Variants in ZFPM2 observed in about 807,000 individuals in gnomAD.
ZFPM2 encodes the protein zinc finger protein ZFPM2.
Under a neutral mutation model 98.6 loss-of-function variants are expected in ZFPM2, and 20 were observed. The observed-to-expected ratio is 0.20, with a 90% CI of 0.14 to 0.29. The LOEUF is 0.29. ZFPM2 is among the 10% of genes least tolerant of loss of function. The probability of loss-of-function intolerance (pLI) is 1.00; values close to 1 mark genes in which losing one functional copy is unlikely to be tolerated. For synonymous variants in ZFPM2, 518 were observed against 502.7 expected (o/e 1.03, Z -0.41); for missense variants, 1,310 against 1,388.6 (o/e 0.94, Z 0.90).
At chr8:105,451,880 T>C (rs1812491619) in intron 3 of ZFPM2, 1 of 152,210 alleles carries the variant, frequency 6.6e-6, no homozygotes, top group Non-Finnish European at 1.5e-5. Context: ...ATTTTTAATT[T>C]ATTTTAAATA....
At chr8:105,407,082 G>T (rs1811475549) in intron 1 of ZFPM2, among the ~76,000 whole-genome samples, 1 of 151,172 alleles carries the variant, frequency 6.6e-6, no homozygotes, top group Non-Finnish European at 1.5e-5. Flanking sequence ...GGGGGTTGTG[G>T]GGTGGGAATC....
chr8:105,621,027 C>A (rs1198085958), intron 4 of ZFPM2, among the ~76,000 whole-genome samples: 2 of 152,092 alleles, frequency 1.3e-5, no homozygotes, highest in African/African-American at 4.8e-5. Context: ...TTTTTGGTTC[C>A]ATATGAAATT....
intron 5 of ZFPM2, among the ~76,000 whole-genome samples, chr8:105,646,812 CATT>C (rs1390520357): frequency 2.0e-5 from 3 of 152,012 alleles, no homozygotes; most frequent in East Asian, 1.9e-4. Flanking sequence ...AGTCCTGTCT[CATT>C]GTTGAGATTG....
At chr8:105,497,199 A>G (rs759589205) in intron 3 of ZFPM2, among the ~76,000 whole-genome samples, 2 of 151,530 alleles carry the variant, frequency 1.3e-5, no homozygotes, top group Non-Finnish European at 2.9e-5. Context: ...GTTAGCCAGG[A>G]TGGTCTCCAT....
At position 105,803,376 on chromosome 8, in the gene ZFPM2, G is replaced by C. The variant is rs149688628; in HGVS notation, c.3294G>C (p.Glu1098Asp). The change falls in exon 8 of 8, where the codon GAG becomes GAC. Residue 1098 changes from glutamate to aspartate, a missense_variant. By Grantham distance (45) the Glu-to-Asp change is conservative. Coordinates refer to ENST00000407775, the MANE Select transcript of ZFPM2 (RefSeq NM_012082.4). ...TCTCACCAGGAATTCCCTCAGCAGAGGAACAGTTGTCTAGTATAGCAAAAG... is the reference window on the plus strand; with the variant it reads ...TCTCACCAGGAATTCCCTCAGCAGACGAACAGTTGTCTAGTATAGCAAAAG... Reference protein sequence around the residue: ...ENVSPGIPSAEEQLSSIAKGV... With the variant: ...ENVSPGIPSADEQLSSIAKGV... The C allele has an allele frequency of 4.3e-6, 7 of 1,613,360 alleles. No individual in the cohort carries two copies. The African/African-American group carries it at 5.3e-5, about 12-fold the overall frequency.
chr8:105,352,125 T>C (rs982207502), intron 1 of ZFPM2, among the ~76,000 whole-genome samples: 8 of 152,334 alleles, frequency 5.3e-5, no homozygotes, highest in African/African-American at 1.9e-4. Context: ...AATGGATGCA[T>C]CACTTCCTAA....
chr8:105,763,495 G>A (rs1261210439), intron 5 of ZFPM2, among the ~76,000 whole-genome samples: 1 of 151,808 alleles, frequency 6.6e-6, no homozygotes, highest in African/African-American at 2.4e-5. Context: ...AAGAGTTCTT[G>A]CCATTCCAAG....
intron 5 of ZFPM2, among the ~76,000 whole-genome samples, chr8:105,636,027 A>G (rs1267556888): frequency 6.6e-6 from 1 of 152,154 alleles, no homozygotes; most frequent in Non-Finnish European, 1.5e-5. Context: ...AATTATACAT[A>G]ACCTAATGGT....
chr8:105,334,496 C>A (rs1812291100), intron 1 of ZFPM2, among the ~76,000 whole-genome samples: 2 of 151,554 alleles, frequency 1.3e-5, no homozygotes, highest in Admixed American at 1.3e-4. Flanking sequence ...AAATATATTA[C>A]CTTTTAAAGT....
intron 5 of ZFPM2, among the ~76,000 whole-genome samples, chr8:105,655,663 A>G (rs922423213): frequency 4.9e-4 from 75 of 152,238 alleles, no homozygotes; most frequent in African/African-American, 1.8e-3. Context: ...CATAAAATTC[A>G]CACAACCCTC....
chr8:105,505,403 T>C (rs1038723831), intron 3 of ZFPM2, among the ~76,000 whole-genome samples: 1 of 152,156 alleles, frequency 6.6e-6, no homozygotes, highest in Non-Finnish European at 1.5e-5. Context: ...ACACAGCACA[T>C]AGGGGAATGC....
intron 1 of ZFPM2, among the ~76,000 whole-genome samples, chr8:105,365,190 T>C (rs1397345970): frequency 6.6e-6 from 1 of 152,186 alleles, no homozygotes; most frequent in African/African-American, 2.4e-5. Flanking sequence ...GAAGCTAATA[T>C]ATGGTAATTT....
At chr8:105,474,168 C>T (rs1240762984) in intron 3 of ZFPM2, among the ~76,000 whole-genome samples, 1 of 152,184 alleles carries the variant, frequency 6.6e-6, no homozygotes, top group Non-Finnish European at 1.5e-5. Context: ...TTTTAGTTTT[C>T]TGTTTCAGTC....
chr8:105,560,969 T>C (rs1235555003), intron 3 of ZFPM2, among the ~76,000 whole-genome samples: 4 of 152,194 alleles, frequency 2.6e-5, no homozygotes. Flanking sequence ...TCTCCAGATA[T>C]TGTTGTTTGA....
intron 3 of ZFPM2, among the ~76,000 whole-genome samples, chr8:105,535,718 A>C (rs1212183461): frequency 6.6e-6 from 1 of 152,270 alleles, no homozygotes; most frequent in Non-Finnish European, 1.5e-5. Flanking sequence ...AGCTTGCTTC[A>C]GATGCTCAGC....
chr8:105,495,199 T>G (rs1427131903), intron 3 of ZFPM2, among the ~76,000 whole-genome samples: 1 of 152,188 alleles, frequency 6.6e-6, no homozygotes, highest in Non-Finnish European at 1.5e-5. Flanking sequence ...CGTTTATGTG[T>G]CCCTCTTCTT....
At chr8:105,382,038 T>C (rs1810899539) in intron 1 of ZFPM2, among the ~76,000 whole-genome samples, 1 of 152,112 alleles carries the variant, frequency 6.6e-6, no homozygotes, top group Non-Finnish European at 1.5e-5. Context: ...TATTCAAGAT[T>C]CAAAATTTAT....
chr8:105,669,981 T>G (rs953744542), intron 5 of ZFPM2: 5 of 152,182 alleles, frequency 3.3e-5, no homozygotes, highest in Non-Finnish European at 5.9e-5. Context: ...ATAGAGAAAG[T>G]GCAGAGAAGT....
At chr8:105,676,551 C>G (rs1391721717) in intron 5 of ZFPM2, among the ~76,000 whole-genome samples, 3 of 151,808 alleles carry the variant, frequency 2.0e-5, no homozygotes, top group African/African-American at 4.8e-5. Context: ...TTCTTTTCAT[C>G]TGTTTTGTTG....
Sources: allele counts gnomAD v4.1 joint callset (sites outside exome capture counted in the v4.1 genomes callset), GRCh38; gene constraint gnomAD v4.1.1; transcripts MANE v1.5; gene names NCBI Gene and HGNC (gene_info 2026-07-23, HGNC 2026-07-21).